GSPT1: variants seen among roughly 807,000 people sequenced by gnomAD.
GSPT1 encodes G1 to S phase transition 1, also known as eukaryotic peptide chain release factor GTP-binding subunit ERF3A.
GSPT1 carries 20 observed loss-of-function variants against 72.5 expected under a neutral mutation model. The ratio of observed to expected loss-of-function variants is 0.28; its 90% CI spans 0.19 to 0.40. GSPT1 has a LOEUF of 0.40. Among genes scored for constraint, GSPT1 ranks in the 10% least tolerant of loss-of-function variants. GSPT1 has a pLI of 1.00. For synonymous variants in GSPT1, 334 were observed against 293.5 expected (o/e 1.14, Z -1.41); for missense variants, 580 against 811.9 (o/e 0.71, Z 3.47).
At chr16:11,901,378 C>A (rs1267685301) in intron 1 of GSPT1, among the ~76,000 whole-genome samples, 1 of 152,082 alleles carries the variant, frequency 6.6e-6, no homozygotes, top group Non-Finnish European at 1.5e-5. Flanking sequence ...TGGTTCACAG[C>A]TGCTAGTAAA....
intron 10 of GSPT1, among the ~76,000 whole-genome samples, chr16:11,883,393 C>T (rs866836508): frequency 4.2e-4 from 58 of 139,390 alleles, no homozygotes; most frequent in African/African-American, 1.3e-3. Context: ...GTGGGTGGAC[C>T]ACCTGAGGTC....
chr16:11,880,859 T>G (rs927331481), intron 11 of GSPT1, among the ~76,000 whole-genome samples: 7 of 152,204 alleles, frequency 4.6e-5, no homozygotes, highest in African/African-American at 1.7e-4. Flanking sequence ...ATTCCGTAGG[T>G]TGCCAACCCC....
rs545694771 is a variant in GSPT1, at chr16:11,869,837, T to A, written c.*3282A>T. The A allele has an allele frequency of 6.6e-6, 1 of 152,232 alleles. No homozygotes were observed. Among genetic ancestry groups the A allele is most frequent in the East Asian group, 1.9e-4 (1 of 5,196 alleles). 9.4% of individuals were successfully genotyped at this position (152,232 alleles called of 1,614,324 possible). ...CTTAGCTGATTTTTTTCCAGGTTCA[T>A]CTTGGGAGCAGTTTTTGATCATAGG... is the stretch of plus-strand genomic sequence containing the variant. On this transcript the variant is annotated 3_prime_UTR_variant, in exon 15 of 15. Coordinates refer to ENST00000434724, the MANE Select transcript of GSPT1 (RefSeq NM_002094.4).
intron 1 of GSPT1, among the ~76,000 whole-genome samples, chr16:11,904,416 A>C (rs567508709): frequency 5.5e-4 from 84 of 152,058 alleles, no homozygotes; most frequent in Non-Finnish European, 7.8e-4. Context: ...GTTGGCCAGG[A>C]TGGTCTCGAT....
chr16:11,905,886 C>G (rs1475226270), intron 1 of GSPT1, among the ~76,000 whole-genome samples: 1 of 152,032 alleles, frequency 6.6e-6, no homozygotes, highest in Non-Finnish European at 1.5e-5. Context: ...ACACATGTAT[C>G]TTAGTTCTTG....
chr16:11,903,412 G>C (rs936146298), intron 1 of GSPT1, among the ~76,000 whole-genome samples: 1 of 152,184 alleles, frequency 6.6e-6, no homozygotes, highest in East Asian at 1.9e-4. Flanking sequence ...AGGAGGCTGA[G>C]CCAGGAGAAT....
rs1158026034 is a variant in GSPT1 at position 11,911,854 on chromosome 16, ATTTTTTTTTTTTTT to A, written c.352+3501_352+3514del. On this transcript the variant is annotated intron_variant, in intron 1 of 14. Coordinates refer to ENST00000434724, the MANE Select transcript of GSPT1 (RefSeq NM_002094.4). ...GGCATGAGCCACTGCACCCAGCTGT[ATTTTTTTTTTTTTT>A]TTTTTTTTTTTTTTTGTGGAGACAG... Among the ~76,000 whole-genome samples, 8 of 45,410 alleles carry A rather than the reference ATTTTTTTTTTTTTT, an allele frequency of 1.8e-4. No homozygotes were observed. In the South Asian group the frequency reaches 3.8e-3, roughly 21 times the overall value. 29.8% of individuals were successfully genotyped at this position (45,410 alleles called of 152,430 possible).
intron 5 of GSPT1, among the ~76,000 whole-genome samples, chr16:11,893,221 C>G (rs1024753235): frequency 6.6e-6 from 1 of 151,946 alleles, no homozygotes; most frequent in African/African-American, 2.4e-5. Flanking sequence ...CATCCTCCCC[C>G]CTATAAATAG....
At position 11,883,053 on chromosome 16, in the gene GSPT1, T is replaced by C. The variant is rs781754987; in HGVS notation, c.1390A>G (p.Ile464Val). Residue 464 changes from isoleucine (I) to valine (V), a missense_variant, in exon 11 of 15, where the codon ATT (isoleucine) becomes GTT (valine). Transcript: ENST00000434724. ...ATCACAAGCTGCTGGCCTTTACAAA[T>C]AGATCCTGATTCCAGCTTTCCCAGG... ...VVLGKLESGS[I>V]CKGQQLVMMP... The C allele has an allele frequency of 1.6e-5, 26 of 1,608,956 alleles. No individual in the cohort carries two copies. The highest frequency in any genetic ancestry group is 3.3e-4 in the Middle Eastern group (2 of 6,048).
chr16:11,907,468 C>T (rs2054503730), intron 1 of GSPT1, among the ~76,000 whole-genome samples: 1 of 152,146 alleles, frequency 6.6e-6, no homozygotes, highest in Non-Finnish European at 1.5e-5. Flanking sequence ...GGTAAATGCT[C>T]AATAAATTTA....
chr16:11,877,385 A>C lies in GSPT1; in HGVS notation c.1602+22T>G, dbSNP rs1351078112. Reference sequence around the variant, plus strand: ...CATTTAGACATTAAAACCCACTATGACAACAACAATAATTTGTTTACCTGG... The same window carrying C: ...CATTTAGACATTAAAACCCACTATGCCAACAACAATAATTTGTTTACCTGG... On this transcript the variant is annotated intron_variant, in intron 12 of 14. Transcript: ENST00000434724. The surrounding 1 kb of genome is among the most constrained non-coding windows in gnomAD (Gnocchi z 4.0). The C allele has an allele frequency of 3.9e-6, 6 of 1,522,672 alleles. No individual in the cohort carries two copies. In the South Asian group the frequency reaches 7.6e-5, roughly 19 times the overall value. The allele number at this position is 1,522,672 out of a possible 1,614,324, so 94.3% of individuals were successfully genotyped here. A position where few individuals can be genotyped will look rare whatever the true frequency, so the allele number is the denominator to read the frequency against.
intron 5 of GSPT1, among the ~76,000 whole-genome samples, chr16:11,891,937 T>C (rs542638437): frequency 1.2e-3 from 174 of 150,842 alleles, no homozygotes; most frequent in African/African-American, 4.0e-3. Context: ...CTGGGAATAC[T>C]GGCATGAGAA....
intron 11 of GSPT1, among the ~76,000 whole-genome samples, chr16:11,878,218 CCA>C (rs2054071497): frequency 6.6e-6 from 1 of 152,076 alleles, no homozygotes; most frequent in South Asian, 2.1e-4. Flanking sequence ...TGGGTTCAAG[CCA>C]TTCTCCTGCC....
chr16:11,885,393 C>T lies in GSPT1; in HGVS notation c.1254-119G>A, dbSNP rs1174346586. On this transcript the variant is annotated intron_variant, in intron 9 of 14. Transcript: ENST00000434724. ...ATTCTACTCATGTATTCTTCCCATT[C>T]AACCACTTTATTATCCATTTCATCT... The T allele has an allele frequency of 4.0e-5, 25 of 629,700 alleles. No individual in the cohort carries two copies. In the East Asian group the frequency reaches 7.0e-4, roughly 18 times the overall value. The allele number at this position is 629,700 out of a possible 1,614,324, so 39.0% of individuals were successfully genotyped here.
At chr16:11,909,484 G>A (rs971117518) in intron 1 of GSPT1, among the ~76,000 whole-genome samples, 5 of 151,990 alleles carry the variant, frequency 3.3e-5, no homozygotes, top group African/African-American at 7.3e-5. Context: ...TAAAACCAAG[G>A]GTAGAATGAT....
Position 11,896,710 on chromosome 16 carries a change from C to G in GSPT1, c.512G>C (p.Gly171Ala). 1 of 1,607,122 alleles carries G rather than the reference C, an allele frequency of 6.2e-7. No homozygotes were observed. Among genetic ancestry groups the G allele is most frequent in the South Asian group, 1.1e-5 (1 of 89,558 alleles). ...CCTTCCATCTCCCAAGGAACCACCCCCTGGCTCTGCTTCACTTATTTCTTC... is the reference window on the plus strand; with the variant it reads ...CCTTCCATCTCCCAAGGAACCACCCGCTGGCTCTGCTTCACTTATTTCTTC... ...HKEEISEAEP[G>A]GGSLGDGRPP... Residue 171 changes from glycine (G) to alanine (A), a missense_variant, in exon 4 of 15, where the codon GGG becomes GCG. Physicochemically the swap from Gly to Ala is moderately conservative, Grantham distance 60 (BLOSUM62 0). Coordinates refer to ENST00000434724, the MANE Select transcript of GSPT1 (RefSeq NM_002094.4).
intron 11 of GSPT1, 37 bp downstream of exon 11, chr16:11,882,978 C>G (rs1440919230): frequency 3.7e-6 from 5 of 1,359,098 alleles, no homozygotes; most frequent in East Asian, 2.3e-5. Context: ...GAAAAAAAAT[C>G]AATAAATAGA....
intron 5 of GSPT1, among the ~76,000 whole-genome samples, chr16:11,892,526 A>AAAAAAAAAAAAAAAAAAAAAAAAAAT (rs1596466366): frequency 6.9e-6 from 1 of 144,478 alleles, no homozygotes; most frequent in Non-Finnish European, 1.5e-5. Context: ...AAAAAAACAA[A>AAAAAAAAAAAAAAAAAAAAAAAAAAT]AAAAACAAAA....
intron 12 of GSPT1, among the ~76,000 whole-genome samples, chr16:11,876,762 C>A (rs745721041): frequency 6.6e-6 from 1 of 152,072 alleles, no homozygotes; most frequent in Non-Finnish European, 1.5e-5. Context: ...CAAAAGACAG[C>A]AGGCCAACTT....
Sources: gnomAD v4.1 joint callset for allele counts (sites outside exome capture counted in the v4.1 genomes callset) on GRCh38, gnomAD v4.1.1 for gene constraint, Gnocchi (gnomAD v3.1) non-coding constraint, MANE v1.5 for transcripts, NCBI Gene and HGNC (gene_info 2026-07-23, HGNC 2026-07-21) for gene names.